The following DPEP1 variants were observed in gnomAD, a reference collection of about 807,000 sequenced individuals.
DPEP1 encodes the protein beta-lactamase.
Under a neutral mutation model 42.3 loss-of-function variants are expected in DPEP1, and 50 were observed. The ratio of observed to expected loss-of-function variants is 1.18; its 90% CI spans 0.94 to 1.50. DPEP1 has a LOEUF of 1.50. Among genes scored for constraint, DPEP1 ranks in the 40% most tolerant of loss-of-function variants. The pLI, the probability that DPEP1 is intolerant of heterozygous loss-of-function variation, is 0.00. For synonymous variants in DPEP1, 297 were observed against 234.0 expected, an observed-to-expected ratio of 1.27 and a Z score of -2.46; for missense variants, 663 against 553.0, an observed-to-expected ratio of 1.20 and a Z score of -1.99.
intron 1 of DPEP1, among the ~76,000 whole-genome samples, chr16:89,622,465 A>T (rs1304007745): frequency 6.6e-6 from 1 of 152,188 alleles, no homozygotes; most frequent in Non-Finnish European, 1.5e-5. Context: ...CTGTCCACGA[A>T]GGTGAGAGGA....
At chr16:89,641,426 G>A (rs938140655), downstream of DPEP1, among the ~76,000 whole-genome samples, 3 of 152,180 alleles carry the variant, frequency 2.0e-5, no homozygotes, top group Non-Finnish European at 4.4e-5. Flanking sequence ...TCTTGTGGTC[G>A]CTTCTCACGG....
chr16:89,629,875 C>T (rs996324294), intron 1 of DPEP1, among the ~76,000 whole-genome samples: 15 of 152,192 alleles, frequency 9.9e-5, no homozygotes, highest in Non-Finnish European at 1.6e-4. Flanking sequence ...CCTGGAACGC[C>T]CTAATGTTTA....
chr16:89,632,583 C>A (rs2059603225), intron 2 of DPEP1, among the ~76,000 whole-genome samples: 1 of 152,208 alleles, frequency 6.6e-6, no homozygotes, highest in Non-Finnish European at 1.5e-5. Flanking sequence ...CACTTTCCAG[C>A]ACTCCTTGGA....
Position 89,638,129 on chromosome 16 carries a change from C to G in DPEP1, c.1143C>G (p.Tyr381Ter). 1 of 1,612,078 alleles carries G rather than the reference C, an allele frequency of 6.2e-7. No individual in the cohort carries two copies. The highest frequency in any genetic ancestry group is 8.5e-7 in the Non-Finnish European group (1 of 1,179,696). Residue 381 changes from tyrosine to a stop codon, truncating the protein, a stop_gained, in exon 11 of 11, where the codon TAC (tyrosine) becomes TAG (stop). Coordinates refer to ENST00000690203, the MANE Select transcript of DPEP1 (RefSeq NM_001389466.1). LOFTEE classifies it low-confidence loss of function (END_TRUNC). Reference protein sequence around the residue: ...DQLGGSCRTHYGYSSGASSLH... With the variant: ...DQLGGSCRTH ...TGGGTGGCTCCTGCAGGACCCATTA[C>G]GGCTACTCCTCTGGGGCTTCCAGCC...
intron 2 of DPEP1, among the ~76,000 whole-genome samples, chr16:89,634,345 C>T (rs926134546): frequency 1.3e-5 from 2 of 152,088 alleles, no homozygotes; most frequent in Non-Finnish European, 2.9e-5. Context: ...CCTCGGCCTC[C>T]CAAAGTGCTG....
At chr16:89,617,473 G>A (rs941507255) in intron 1 of DPEP1, among the ~76,000 whole-genome samples, 43 of 152,210 alleles carry the variant, frequency 2.8e-4, no homozygotes, top group Non-Finnish European at 4.7e-4. Flanking sequence ...CACGCCAGGA[G>A]GTCTCCAGGC....
Position 89,630,352 on chromosome 16 carries a change from G to A in DPEP1, c.-59G>A. The A allele has an allele frequency of 6.8e-7, 1 of 1,463,816 alleles. No homozygotes were observed. The highest frequency in any genetic ancestry group is 9.5e-7 in the Non-Finnish European group (1 of 1,057,436). 90.7% of individuals were successfully genotyped at this position (1,463,816 alleles called of 1,614,324 possible). On this transcript the variant is annotated 5_prime_UTR_variant, in exon 2 of 11. Coordinates refer to ENST00000690203, the MANE Select transcript of DPEP1 (RefSeq NM_001389466.1). ...GAAGCTCATCCTTCTGCACGGGCCA[G>A]CCAGGCCAGCACAGAGGCACCAGGG...
At position 89,636,521 on chromosome 16, in the gene DPEP1, C is replaced by T; in HGVS notation, c.371-12C>T. 4 of 1,610,984 alleles carry T rather than the reference C, an allele frequency of 2.5e-6. No homozygotes were observed. The South Asian group carries it at 3.3e-5, about 13-fold the overall frequency. On this transcript the variant is annotated splice_polypyrimidine_tract_variant and intron_variant, in intron 4 of 10. Transcript: ENST00000690203. ...AGGTGCCCACTCCCCTGCACCCTGA[C>T]TCTCCCCGCAGGCATTCGGCAGGCC...
At chr16:89,632,892 C>G (rs1462531205) in intron 2 of DPEP1, among the ~76,000 whole-genome samples, 1 of 152,118 alleles carries the variant, frequency 6.6e-6, no homozygotes, top group African/African-American at 2.4e-5. Context: ...CCCCTGCCCT[C>G]CAGCCTGGGC....
Position 89,630,410 on chromosome 16 carries a change from C to G in DPEP1, c.-1C>G, listed in dbSNP as rs748498388. The G allele has an allele frequency of 6.2e-7, 1 of 1,609,822 alleles. No homozygotes were observed. Among genetic ancestry groups the G allele is most frequent in the East Asian group, 2.2e-5 (1 of 44,680 alleles). On this transcript the variant is annotated 5_prime_UTR_variant, in exon 2 of 11. Transcript: ENST00000690203. ...GCACACAGGTCCCCGGGGACCCCAC[C>G]ATGTGGAGCGGATGGTGGCTGTGGC...
At chr16:89,630,712 G>C (rs1488408093) in intron 2 of DPEP1, among the ~76,000 whole-genome samples, 198 bp downstream of exon 2, 1 of 105,910 alleles carries the variant, frequency 9.4e-6, no homozygotes, top group African/African-American at 3.8e-5. Context: ...GGGGGAGCCG[G>C]GGCTGGGGGT....
chr16:89,628,416 C>T (rs1259614066), intron 1 of DPEP1, among the ~76,000 whole-genome samples: 1 of 151,206 alleles, frequency 6.6e-6, no homozygotes, highest in South Asian at 2.1e-4. Context: ...CACCACCATG[C>T]CTGGCTAATT....
In DPEP1 at chr16:89,630,364, C is replaced by T. The variant is rs377079691; in HGVS notation, c.-47C>T. On this transcript the variant is annotated 5_prime_UTR_variant, in exon 2 of 11. Coordinates refer to ENST00000690203, the MANE Select transcript of DPEP1 (RefSeq NM_001389466.1). ...TCTGCACGGGCCAGCCAGGCCAGCA[C>T]AGAGGCACCAGGGCAGCAGTGCACA... The T allele has an allele frequency of 2.6e-6, 4 of 1,530,472 alleles. No individual in the cohort carries two copies. Among genetic ancestry groups the T allele is most frequent in the African/African-American group, 2.8e-5 (2 of 72,694 alleles). 94.8% of individuals were successfully genotyped at this position (1,530,472 alleles called of 1,614,324 possible). A position where few individuals can be genotyped will look rare whatever the true frequency, so the allele number is the denominator to read the frequency against.
At chr16:89,627,791 C>G (rs1361317907) in intron 1 of DPEP1, among the ~76,000 whole-genome samples, 3 of 147,208 alleles carry the variant, frequency 2.0e-5, no homozygotes, top group Non-Finnish European at 4.5e-5. Context: ...CTCCAAGTAG[C>G]TGGGATTACG....
chr16:89,629,219 C>A (rs1172120364), intron 1 of DPEP1, among the ~76,000 whole-genome samples: 1 of 152,084 alleles, frequency 6.6e-6, no homozygotes, highest in Non-Finnish European at 1.5e-5. Context: ...TTTATCATGA[C>A]CTGGGCATGG....
intron 1 of DPEP1, chr16:89,617,007 G>C (rs1008292359): frequency 1.3e-5 from 3 of 227,166 alleles, no homozygotes; most frequent in African/African-American, 7.1e-5. Flanking sequence ...TGGAGGTCCT[G>C]GGCAGGCCCT....
chr16:89,623,481 C>T (rs1452194487), intron 1 of DPEP1, among the ~76,000 whole-genome samples: 6 of 152,100 alleles, frequency 3.9e-5, no homozygotes, highest in Non-Finnish European at 1.5e-5. Flanking sequence ...GGGAAGTCTG[C>T]AAACCCAACA....
At chr16:89,639,610 AC>A (rs1277064684), downstream of DPEP1, among the ~76,000 whole-genome samples, 2 of 147,794 alleles carry the variant, frequency 1.4e-5, no homozygotes, top group Non-Finnish European at 3.0e-5. Context: ...CTGCACGCAC[AC>A]CCCCTGCACC....
intron 1 of DPEP1, among the ~76,000 whole-genome samples, chr16:89,629,681 C>T (rs1438509010): frequency 1.3e-5 from 2 of 152,194 alleles, no homozygotes; most frequent in East Asian, 1.9e-4. Context: ...AGCCCTCGGG[C>T]GACTTGAATG....
Sources: allele counts gnomAD v4.1 joint callset (sites outside exome capture counted in the v4.1 genomes callset), GRCh38; gene constraint gnomAD v4.1.1; transcripts MANE v1.5; gene names NCBI Gene and HGNC (gene_info 2026-07-23, HGNC 2026-07-21).